KDM2B: variants seen among roughly 807,000 people sequenced by gnomAD.
KDM2B encodes lysine-specific demethylase 2B.
KDM2B carries 26 observed loss-of-function variants against 150.0 expected under a neutral mutation model. The ratio of observed to expected loss-of-function variants is 0.17; its 90% confidence interval spans 0.13 to 0.24. The LOEUF (loss-of-function observed/expected upper bound fraction) is 0.24. Among genes scored for constraint, KDM2B ranks in the 10% least tolerant of loss-of-function variants. KDM2B has a pLI of 1.00. For missense variants in KDM2B, 1,265 were observed against 1,816.9 expected (o/e 0.70, Z 5.52); for synonymous variants, 734 against 729.5 (o/e 1.01, Z -0.10).
At chr12:121,510,436 G>A (rs1885486294) in intron 10 of KDM2B, among the ~76,000 whole-genome samples, 1 of 151,718 alleles carries the variant, frequency 6.6e-6, no homozygotes, top group Admixed American at 6.6e-5. Context: ...AGCTTTTTTT[G>A]TAGAGATGAG....
intron 22 of KDM2B, among the ~76,000 whole-genome samples, chr12:121,438,703 C>T (rs532835781): frequency 6.6e-6 from 1 of 152,214 alleles, no homozygotes; most frequent in South Asian, 2.1e-4. Context: ...GCATGGTTGC[C>T]AGACAGTTTA....
chr12:121,462,911 G>A (rs1476217218), intron 12 of KDM2B, among the ~76,000 whole-genome samples: 4 of 151,924 alleles, frequency 2.6e-5, no homozygotes, highest in Non-Finnish European at 5.9e-5. Flanking sequence ...AGCCCAGCCT[G>A]GGCAACACAG....
rs1887868332 is a variant in KDM2B, at chr12:121,533,934, G to C, written c.777+563C>G. Among the ~76,000 whole-genome samples the C allele has an allele frequency of 1.3e-5, 2 of 152,198 alleles. No individual in the cohort carries two copies. The highest frequency in any genetic ancestry group is 4.1e-4 in the South Asian group (2 of 4,836). ...CTTTGAGAACAAGTCCCAGCTACTC[G>C]AGAGCTGAGGTGGGAAGATCGCTTG... On this transcript the variant is annotated intron_variant, in intron 7 of 22. Coordinates refer to ENST00000377071, the MANE Select transcript of KDM2B (RefSeq NM_032590.5). The surrounding 1 kb of genome is among the most constrained non-coding windows in gnomAD (Gnocchi z 4.1).
chr12:121,479,339 T>TGTAGTCCCAGCTACTC (rs1566317482), intron 12 of KDM2B, among the ~76,000 whole-genome samples: 2 of 147,598 alleles, frequency 1.4e-5, no homozygotes, highest in African/African-American at 4.9e-5. Context: ...TGGTGGCGGG[T>TGTAGTCCCAGCTACTC]GCCTGTAGTC....
At chr12:121,554,034 CACACACACACACACACACACA>C (rs1889713048) in intron 4 of KDM2B, among the ~76,000 whole-genome samples, 1 of 5,134 alleles carries the variant, frequency 1.9e-4, no homozygotes, top group Non-Finnish European at 4.6e-4. Flanking sequence ...ACCCCAGCTC[CACACACACACACACACACACA>C]CACACACACA....
intron 22 of KDM2B, among the ~76,000 whole-genome samples, chr12:121,432,637 T>C (rs181610337): frequency 1.3e-5 from 2 of 152,328 alleles, no homozygotes; most frequent in African/African-American, 2.4e-5. Flanking sequence ...ACTGCAGATA[T>C]CCCAGAGGCT....
chr12:121,440,408 G>T, intron 21 of KDM2B: 1 of 418,576 alleles, frequency 2.4e-6, no homozygotes, highest in Non-Finnish European at 4.4e-6. Flanking sequence ...GTCCAGCCCA[G>T]TCCAGGGGGA....
chr12:121,441,597 C>T (rs1349373491), intron 19 of KDM2B, among the ~76,000 whole-genome samples: 2 of 152,060 alleles, frequency 1.3e-5, no homozygotes, highest in South Asian at 2.1e-4. Flanking sequence ...CCACCACACC[C>T]GGCTAATTTT....
Position 121,521,207 on chromosome 12 carries a change from TGGA to T in KDM2B, c.932-110_932-108del. On this transcript the variant is annotated intron_variant, in intron 8 of 22. Transcript: ENST00000377071. This position sits in a 1 kb window ranked among gnomAD's most constrained non-coding sequence, Gnocchi z 4.9. ...CGAGCGTGCAGGAGGGTGCAGGGAG[TGGA>T]GAAGAGCAGCCAGGGCCTGGGGCAG... 1.4e-6 allele frequency: 1 copy of T among 736,340 alleles called. No individual in the cohort carries two copies. Among genetic ancestry groups the T allele is most frequent in the Non-Finnish European group, 2.3e-6 (1 of 427,688 alleles). 45.6% of individuals were successfully genotyped at this position (736,340 alleles called of 1,614,324 possible).
chr12:121,466,425 A>G (rs1555294782), intron 12 of KDM2B, among the ~76,000 whole-genome samples: 1 of 152,004 alleles, frequency 6.6e-6, no homozygotes, highest in Non-Finnish European at 1.5e-5. Flanking sequence ...TGTTTTACAC[A>G]CAGATTTCTC....
At chr12:121,437,641 A>G (rs1359479316) in intron 22 of KDM2B, among the ~76,000 whole-genome samples, 1 of 152,214 alleles carries the variant, frequency 6.6e-6, no homozygotes, top group Admixed American at 6.5e-5. Flanking sequence ...AGGATGGGGT[A>G]AAGGGAAAGG....
intron 21 of KDM2B, chr12:121,440,316 C>T: frequency 1.8e-6 from 1 of 545,764 alleles, no homozygotes; most frequent in East Asian, 3.2e-5. Context: ...CACATTCCAC[C>T]CAGTAGTCAT....
chr12:121,544,266 C>A (rs1888843590), intron 6 of KDM2B, among the ~76,000 whole-genome samples: 2 of 152,044 alleles, frequency 1.3e-5, no homozygotes, highest in African/African-American at 4.8e-5. Flanking sequence ...TACACTGCAG[C>A]CTGGGCAACA....
At chr12:121,466,932 G>A (rs1880068099) in intron 12 of KDM2B, among the ~76,000 whole-genome samples, 1 of 147,564 alleles carries the variant, frequency 6.8e-6, no homozygotes, top group African/African-American at 2.4e-5. Flanking sequence ...ATGGCCCCCA[G>A]TGCGCTCGCT....
chr12:121,446,210 AC>A (rs1876195364), intron 13 of KDM2B, among the ~76,000 whole-genome samples: 1 of 152,130 alleles, frequency 6.6e-6, no homozygotes, highest in South Asian at 2.1e-4. Context: ...CCCGGCTACC[AC>A]GGTGAAACCC....
Position 121,537,298 on chromosome 12 carries a change from CT to C in KDM2B, c.684-2709del. On this transcript the variant is annotated intron_variant, in intron 6 of 22. Coordinates refer to ENST00000377071, the MANE Select transcript of KDM2B (RefSeq NM_032590.5). The surrounding 1 kb of genome is among the most constrained non-coding windows in gnomAD (Gnocchi z 8.7). ...TTGCTCGCTCGCTCTGGCGTGACGC[CT>C]TTGCACTGACCTCTGCAGCTTCCTC... 1 of 153,072 alleles carries C rather than the reference CT, an allele frequency of 6.5e-6. No homozygotes were observed. The highest frequency in any genetic ancestry group is 1.5e-5 in the Non-Finnish European group (1 of 68,658). The allele number at this position is 153,072 out of a possible 1,614,324, so 9.5% of individuals were successfully genotyped here. A position where few individuals can be genotyped will look rare whatever the true frequency, so the allele number is the denominator to read the frequency against.
At chr12:121,491,438 ATTC>A (rs1195174804) in intron 12 of KDM2B, among the ~76,000 whole-genome samples, 35 of 152,102 alleles carry the variant, frequency 2.3e-4, no homozygotes, top group Non-Finnish European at 7.4e-5. Context: ...TGGGGTATTC[ATTC>A]TTCTTCTGCT....
In KDM2B at chr12:121,501,251, T is replaced by C. The variant is rs562738197; in HGVS notation, c.1648-6586A>G. The stretch of plus-strand genomic sequence containing the variant: ...GAAGGCAGATGGGTGTGGTGGCACC[T>C]GCCTGCAATCCCAGCTACTTGGGAG... On this transcript the variant is annotated intron_variant, in intron 11 of 22. Transcript: ENST00000377071. Among the ~76,000 whole-genome samples, 9 of 152,256 alleles carry C rather than the reference T, an allele frequency of 5.9e-5. 1 individual carries two copies. Among genetic ancestry groups the C allele is most frequent in the Admixed American group, 5.2e-4 (8 of 15,296 alleles).
chr12:121,484,652 T>C (rs1882553436), intron 12 of KDM2B, among the ~76,000 whole-genome samples: 1 of 151,320 alleles, frequency 6.6e-6, no homozygotes, highest in African/African-American at 2.4e-5. Flanking sequence ...ACCCCATCTC[T>C]ACAAAAAAAA....
Sources: allele counts gnomAD v4.1 joint callset (sites outside exome capture counted in the v4.1 genomes callset), GRCh38; gene constraint gnomAD v4.1.1; non-coding constraint Gnocchi (gnomAD v3.1); transcripts MANE v1.5; gene names NCBI Gene and HGNC (gene_info 2026-07-23, HGNC 2026-07-21).